SLCO1B3: variants seen among roughly 807,000 people sequenced by gnomAD.
SLCO1B3 encodes the protein solute carrier organic anion transporter family member 1B3, also known as liver-specific organic anion transporter 2.
In SLCO1B3, 72 loss-of-function variants were observed where a neutral mutation model predicts 71.8. That is an observed-to-expected ratio of 1.00 (90% confidence interval 0.83 to 1.22). The LOEUF is 1.22. Among genes scored for constraint, SLCO1B3 ranks in the 50% most tolerant of loss-of-function variants. The pLI is 0.00. For missense variants in SLCO1B3, 911 were observed against 819.7 expected (o/e 1.11, Z -1.36); for synonymous variants, 298 against 278.4 (o/e 1.07, Z -0.70).
chr12:20,819,918 A>G (rs1488378321), intron 3 of SLCO1B3, among the ~76,000 whole-genome samples: 1 of 152,120 alleles, frequency 6.6e-6, no homozygotes, highest in Non-Finnish European at 1.5e-5. Context: ...AAGGGCAGCA[A>G]TGAGATGCGG....
At chr12:20,860,120 T>A (rs1303788871) in intron 5 of SLCO1B3, among the ~76,000 whole-genome samples, 2 of 151,980 alleles carry the variant, frequency 1.3e-5, no homozygotes, top group Non-Finnish European at 2.9e-5. Flanking sequence ...CACGCCCGGC[T>A]AATTTTTTGT....
intron 11 of SLCO1B3, among the ~76,000 whole-genome samples, chr12:20,880,072 C>G (rs539629396): frequency 1.3e-4 from 19 of 151,282 alleles, no homozygotes; most frequent in African/African-American, 4.1e-4. Context: ...AAATTCTATA[C>G]TCATTTGAAG....
intron 3 of SLCO1B3, among the ~76,000 whole-genome samples, chr12:20,825,676 G>A (rs952382260): frequency 2.0e-5 from 3 of 151,746 alleles, no homozygotes; most frequent in Non-Finnish European, 4.4e-5. Context: ...GTGTGCGCCT[G>A]TAATCCCAGC....
At chr12:20,871,887 C>T (rs1172190142) in intron 8 of SLCO1B3, among the ~76,000 whole-genome samples, 1 of 152,006 alleles carries the variant, frequency 6.6e-6, no homozygotes, top group African/African-American at 2.4e-5. Context: ...GTCGGGCTAC[C>T]ATCTATGTTA....
chr12:20,869,306 G>A (rs530560130), intron 8 of SLCO1B3, among the ~76,000 whole-genome samples: 2 of 152,180 alleles, frequency 1.3e-5, no homozygotes, highest in Non-Finnish European at 2.9e-5. Flanking sequence ...ATAACAGAAG[G>A]CTCGCACTCT....
intron 3 of SLCO1B3, among the ~76,000 whole-genome samples, chr12:20,824,242 A>C (rs1864377174): frequency 6.6e-6 from 1 of 152,212 alleles, no homozygotes; most frequent in South Asian, 2.1e-4. Flanking sequence ...CAAATGTTTT[A>C]AACAAAATCT....
intron 13 of SLCO1B3, among the ~76,000 whole-genome samples, chr12:20,892,117 T>C (rs2121342302): frequency 6.6e-6 from 1 of 152,266 alleles, no homozygotes; most frequent in South Asian, 2.1e-4. Context: ...CTTTGGACCT[T>C]TAACAATCTA....
intron 3 of SLCO1B3, among the ~76,000 whole-genome samples, chr12:20,828,652 C>A (rs1041644616): frequency 2.0e-5 from 3 of 151,912 alleles, no homozygotes; most frequent in Non-Finnish European, 4.4e-5. Flanking sequence ...CACATACACA[C>A]ACACACACAC....
intron 8 of SLCO1B3, among the ~76,000 whole-genome samples, chr12:20,864,763 C>G (rs1434642283): frequency 6.6e-6 from 1 of 152,160 alleles, no homozygotes; most frequent in Non-Finnish European, 1.5e-5. Context: ...CACATCTTCT[C>G]TTATTCTGTG....
chr12:20,854,257 G>A (rs1865085320), intron 3 of SLCO1B3, among the ~76,000 whole-genome samples: 1 of 152,028 alleles, frequency 6.6e-6, no homozygotes, highest in Non-Finnish European at 1.5e-5. Flanking sequence ...TCCTATGATA[G>A]TCTCCCTGGT....
At chr12:20,855,318 A>G (rs1395860816) in intron 4 of SLCO1B3, 149 bp downstream of exon 4, 2 of 694,662 alleles carry the variant, frequency 2.9e-6, no homozygotes, top group Non-Finnish European at 4.7e-6. Context: ...TTTTGTTGCT[A>G]TAAATGGGCT....
chr12:20,856,788 A>G (rs2121231370), intron 4 of SLCO1B3, among the ~76,000 whole-genome samples: 1 of 152,186 alleles, frequency 6.6e-6, no homozygotes, highest in Non-Finnish European at 1.5e-5. Context: ...TCAAACTCCT[A>G]GCCTCAAGTG....
intron 4 of SLCO1B3, 119 bp downstream of exon 4, chr12:20,855,288 T>C: frequency 2.4e-6 from 2 of 835,110 alleles, no homozygotes; most frequent in South Asian, 1.8e-5. Flanking sequence ...CATGGGCAAT[T>C]TGGCAATATG....
chr12:20,831,159 C>T (rs1016191456), intron 3 of SLCO1B3, among the ~76,000 whole-genome samples: 3 of 152,000 alleles, frequency 2.0e-5, no homozygotes. Flanking sequence ...GAGTTCGAGA[C>T]CAGCCTGGCC....
In SLCO1B3 at chr12:20,916,246, A is replaced by T. The variant is rs750407454; in HGVS notation, c.2108A>T (p.Ter703LeuextTer11). The stretch of plus-strand genomic sequence containing the variant: ...ATGCAAGACAATGCTGCTGCCAACT[A>T]ACATTGCATTGATTCATTAAGATGT... ...LDMQDNAAAN[*>L] is the part of the protein sequence containing the mutation. The change falls in exon 16 of 16, where the codon TAA becomes TTA. Residue 703 changes from the stop codon to leucine, a stop_lost. Coordinates refer to ENST00000381545, the MANE Select transcript of SLCO1B3 (RefSeq NM_019844.4). 4 of 1,610,946 alleles carry T rather than the reference A, an allele frequency of 2.5e-6. No individual in the cohort carries two copies. In the Admixed American group the frequency reaches 6.7e-5, roughly 27 times the overall value.
At chr12:20,903,140 G>T (rs1866164519) in intron 15 of SLCO1B3, among the ~76,000 whole-genome samples, 1 of 151,736 alleles carries the variant, frequency 6.6e-6, no homozygotes, top group African/African-American at 2.4e-5. Flanking sequence ...GGAATTTCCT[G>T]TCATTGCTGG....
At chr12:20,858,108 G>T (rs561067709) in intron 4 of SLCO1B3, among the ~76,000 whole-genome samples, 1 of 152,058 alleles carries the variant, frequency 6.6e-6, no homozygotes, top group South Asian at 2.1e-4. Context: ...AAATATGCAT[G>T]AATGATTATC....
At chr12:20,840,673 T>C (rs2121169715) in intron 3 of SLCO1B3, among the ~76,000 whole-genome samples, 1 of 152,188 alleles carries the variant, frequency 6.6e-6, no homozygotes, top group Non-Finnish European at 1.5e-5. Flanking sequence ...TTTAAAAAAA[T>C]GTTTTTCTCC....
rs777409004 is a variant in SLCO1B3, at chr12:20,815,688, C to A, written c.-51C>A. The A allele has an allele frequency of 4.1e-6, 5 of 1,212,538 alleles. No homozygotes were observed. The African/African-American group carries it at 4.5e-5, about 11-fold the overall frequency. The allele number at this position is 1,212,538 out of a possible 1,614,324, so 75.1% of individuals were successfully genotyped here. ...TTTTTTAACAGGTGATCATTTCAAA[C>A]CAAGCATCAGCAACAATTAAAAATA... is the stretch of plus-strand genomic sequence containing the variant. On this transcript the variant is annotated 5_prime_UTR_variant, in exon 3 of 16. Transcript: ENST00000381545.
Sources: gnomAD v4.1 joint callset for allele counts (sites outside exome capture counted in the v4.1 genomes callset) on GRCh38, gnomAD v4.1.1 for gene constraint, MANE v1.5 for transcripts, NCBI Gene and HGNC (gene_info 2026-07-23, HGNC 2026-07-21) for gene names.